USP32: variants seen among roughly 807,000 people sequenced by gnomAD.
USP32 encodes the protein ubiquitin carboxyl-terminal hydrolase 32.
In USP32, 59 loss-of-function variants were observed where a neutral mutation model predicts 204.8. The ratio of observed to expected loss-of-function variants is 0.29; its 90% CI spans 0.23 to 0.36. The LOEUF (loss-of-function observed/expected upper bound fraction) is 0.36. Ranked by LOEUF, USP32 falls within the 10% of genes least tolerant of loss-of-function variation. The pLI is 1.00. For missense variants in USP32, 1,160 were observed against 1,946.4 expected, an observed-to-expected ratio of 0.60 and a Z score of 7.60; for synonymous variants, 517 against 678.4, an observed-to-expected ratio of 0.76 and a Z score of 3.70.
chr17:60,178,624 C>A lies in USP32; in HGVS notation c.*631G>T, dbSNP rs1036341537. On this transcript the variant is annotated 3_prime_UTR_variant, in exon 34 of 34. Transcript: ENST00000300896. The stretch of plus-strand genomic sequence containing the variant: ...CCCTTTCAGACTGACCACTATATGC[C>A]CCTGCCACCAATGACTGGTTGTGTC... 6.6e-6 allele frequency among the ~76,000 whole-genome samples: 1 copy of A among 152,122 alleles called. No individual in the cohort carries two copies. Among genetic ancestry groups the A allele is most frequent in the African/African-American group, 2.4e-5 (1 of 41,420 alleles).
chr17:60,313,875 A>G (rs971899302), intron 2 of USP32, among the ~76,000 whole-genome samples: 19 of 152,162 alleles, frequency 1.2e-4, no homozygotes, highest in Non-Finnish European at 2.6e-4. Context: ...TAAGGTTTAC[A>G]ATGTTTACTA....
At chr17:60,261,651 C>G (rs28756727) in intron 9 of USP32, among the ~76,000 whole-genome samples, 2 of 150,846 alleles carry the variant, frequency 1.3e-5, no homozygotes, top group Non-Finnish European at 3.0e-5. Context: ...CTCAAAAAAA[C>G]AAAAATAAAA....
intron 11 of USP32, chr17:60,249,563 C>T (rs1391525080): frequency 1.8e-6 from 1 of 544,768 alleles, no homozygotes; most frequent in Non-Finnish European, 3.2e-6. Flanking sequence ...TATCCTTGGA[C>T]AGGCATTTAT....
intron 1 of USP32, among the ~76,000 whole-genome samples, chr17:60,375,278 C>G (rs1443207148): frequency 6.6e-6 from 1 of 152,242 alleles, no homozygotes; most frequent in South Asian, 2.1e-4. Context: ...AAAGGTCACA[C>G]AGAACAATCA....
chr17:60,214,612 C>A lies in USP32; in HGVS notation c.2022+8G>T, dbSNP rs1428402414. The A allele has an allele frequency of 6.2e-7, 1 of 1,612,266 alleles. No individual in the cohort carries two copies. Among genetic ancestry groups the A allele is most frequent in the Non-Finnish European group, 8.5e-7 (1 of 1,178,866 alleles). ...TCAGACTCTCTATGACTCTGAGATGCCTCTTACCTCACTGTTGTATAGCCA... is the reference window on the plus strand; with the variant it reads ...TCAGACTCTCTATGACTCTGAGATGACTCTTACCTCACTGTTGTATAGCCA... On this transcript the variant is annotated splice_region_variant and intron_variant, in intron 17 of 33. Coordinates refer to ENST00000300896, the MANE Select transcript of USP32 (RefSeq NM_032582.4).
Position 60,301,723 on chromosome 17 carries a change from G to A in USP32, c.187-19C>T, listed in dbSNP as rs1052954569. 1 of 1,540,708 alleles carries A rather than the reference G, an allele frequency of 6.5e-7. No homozygotes were observed. The highest frequency in any genetic ancestry group is 8.8e-7 in the Non-Finnish European group (1 of 1,136,946). On this transcript the variant is annotated intron_variant, in intron 2 of 33. Transcript: ENST00000300896. ...AAATCACCTGGAAAAAGATGATAAAGCCAACCTTAGGAGGCATTTCAGTTG... is the reference window on the plus strand; with the variant it reads ...AAATCACCTGGAAAAAGATGATAAAACCAACCTTAGGAGGCATTTCAGTTG...
At chr17:60,264,817 G>A (rs1282905628) in intron 9 of USP32, among the ~76,000 whole-genome samples, 1 of 131,038 alleles carries the variant, frequency 7.6e-6, no homozygotes, top group East Asian at 2.3e-4. Context: ...CTGAGATCCT[G>A]TCAGTGCACT....
At chr17:60,353,999 T>C (rs903375385) in intron 1 of USP32, among the ~76,000 whole-genome samples, 12 of 152,194 alleles carry the variant, frequency 7.9e-5, no homozygotes, top group African/African-American at 2.9e-4. Flanking sequence ...ATTCCGTAAA[T>C]TCTAGCTGCA....
chr17:60,317,984 C>G (rs1409434929), intron 2 of USP32, among the ~76,000 whole-genome samples: 1 of 152,108 alleles, frequency 6.6e-6, no homozygotes, highest in Non-Finnish European at 1.5e-5. Flanking sequence ...GACTCCGTCT[C>G]AAGAAAACAG....
intron 28 of USP32, 151 bp downstream of exon 28, chr17:60,192,692 TG>T: frequency 1.1e-6 from 1 of 929,410 alleles, no homozygotes. Flanking sequence ...CCCAAAGTGA[TG>T]GGAATACAGG....
chr17:60,368,205 A>T (rs2089356754), intron 1 of USP32, among the ~76,000 whole-genome samples: 1 of 152,212 alleles, frequency 6.6e-6, no homozygotes, highest in Non-Finnish European at 1.5e-5. Context: ...CTTCCCGCAG[A>T]AAGAGAAATA....
At chr17:60,377,546 T>C (rs2089570915) in intron 1 of USP32, among the ~76,000 whole-genome samples, 1 of 152,212 alleles carries the variant, frequency 6.6e-6, no homozygotes, top group Non-Finnish European at 1.5e-5. Flanking sequence ...ATTCTTATGG[T>C]AGAGACTACC....
intron 33 of USP32, 78 bp downstream of exon 33, chr17:60,180,467 T>C: frequency 1.4e-6 from 2 of 1,437,106 alleles, no homozygotes; most frequent in South Asian, 1.2e-5. Context: ...CAAGAGATAG[T>C]CCATTATTTC....
intron 17 of USP32, among the ~76,000 whole-genome samples, 175 bp from the exon 18 acceptor site, chr17:60,213,837 C>G (rs1480838601): frequency 2.0e-5 from 3 of 152,074 alleles, no homozygotes; most frequent in Non-Finnish European, 1.5e-5. Context: ...GGCAGTATGA[C>G]AGAAAGACAA....
At chr17:60,395,345 C>T (rs2089893873), upstream of USP32, among the ~76,000 whole-genome samples, 1 of 152,184 alleles carries the variant, frequency 6.6e-6, no homozygotes, top group Admixed American at 6.5e-5. Flanking sequence ...TTAAGAAATA[C>T]TATTTCTCCT....
intron 13 of USP32, 109 bp downstream of exon 13, chr17:60,225,930 G>T: frequency 1.6e-6 from 2 of 1,246,804 alleles, no homozygotes; most frequent in Non-Finnish European, 2.2e-6. Flanking sequence ...CTCCAGCCTG[G>T]GCAAAATGTG....
At chr17:60,349,902 A>C (rs1455396388) in intron 1 of USP32, among the ~76,000 whole-genome samples, 1 of 151,290 alleles carries the variant, frequency 6.6e-6, no homozygotes, top group Non-Finnish European at 1.5e-5. Context: ...AAAAATGTTC[A>C]CCATACAGTG....
At chr17:60,397,334 G>C (rs568716705) in intron 1 of USP32, among the ~76,000 whole-genome samples, 1 of 152,140 alleles carries the variant, frequency 6.6e-6, no homozygotes, top group Admixed American at 6.6e-5. Flanking sequence ...TTGTGGATGA[G>C]AGATTTAAAC....
intron 21 of USP32, among the ~76,000 whole-genome samples, chr17:60,210,029 T>C (rs2084919736): frequency 6.6e-6 from 1 of 152,028 alleles, no homozygotes; most frequent in Non-Finnish European, 1.5e-5. Flanking sequence ...TATAATATAA[T>C]GTTGTCTTCA....
Sources: gnomAD v4.1 joint callset for allele counts (sites outside exome capture counted in the v4.1 genomes callset) on GRCh38, gnomAD v4.1.1 for gene constraint, MANE v1.5 for transcripts, NCBI Gene and HGNC (gene_info 2026-07-23, HGNC 2026-07-21) for gene names.